Variants in LPA observed in about 807,000 individuals in gnomAD.
LPA encodes lipoprotein(a), also known as apolipoprotein(a).
In LPA, 199 loss-of-function variants were observed where a neutral mutation model predicts 197.9. The observed-to-expected ratio is 1.01, with a 90% CI of 0.90 to 1.13. The LOEUF is 1.13. Among genes scored for constraint, LPA ranks in the 50% most tolerant of loss-of-function variants. The pLI is 0.00. For missense variants in LPA, 1,853 were observed against 1,785.8 expected (o/e 1.04, Z -0.68); for synonymous variants, 715 against 639.5 (o/e 1.12, Z -1.78).
chr6:160,589,400 A>G (rs1778980058), intron 24 of LPA, among the ~76,000 whole-genome samples, 153 bp downstream of exon 24: 1 of 152,212 alleles, frequency 6.6e-6, no homozygotes, highest in African/African-American at 2.4e-5. Context: ...CTCCTCTCAG[A>G]CCCTGTGCCC....
chr6:160,595,927 T>C (rs1779124267), intron 20 of LPA, among the ~76,000 whole-genome samples: 2 of 152,220 alleles, frequency 1.3e-5, no homozygotes, highest in Non-Finnish European at 2.9e-5. Context: ...CTGTGAAATA[T>C]GTTCCTCCAG....
In LPA at chr6:160,559,289, T is replaced by C. The variant is rs562970580; in HGVS notation, c.4632-1718A>G. On this transcript the variant is annotated intron_variant, in intron 28 of 38. Coordinates refer to ENST00000316300, the MANE Select transcript of LPA (RefSeq NM_005577.4). ...AAATGATCTCATGTAAATGAACTCA[T>C]ACAGAATATACATGGCTTCTTTCCT... is the stretch of plus-strand genomic sequence containing the variant. Among the ~76,000 whole-genome samples, 252 of 152,338 alleles carry C rather than the reference T, an allele frequency of 1.7e-3. 1 individual carries two copies. Among genetic ancestry groups the C allele is most frequent in the African/African-American group, 5.7e-3 (236 of 41,586 alleles).
chr6:160,562,167 C>T (rs1475961735), intron 28 of LPA, among the ~76,000 whole-genome samples: 1 of 152,172 alleles, frequency 6.6e-6, no homozygotes, highest in African/African-American at 2.4e-5. Context: ...GGAATGCTTC[C>T]AGCTTCTGCT....
intron 32 of LPA, among the ~76,000 whole-genome samples, 174 bp downstream of exon 32, chr6:160,547,615 G>T (rs921092423): frequency 2.0e-5 from 3 of 152,144 alleles, no homozygotes; most frequent in Non-Finnish European, 4.4e-5. Context: ...AAGAGAAGAG[G>T]CCTGAGAACC....
At chr6:160,577,038 GA>G in intron 28 of LPA, 97 bp downstream of exon 28, 1 of 1,478,312 alleles carries the variant, frequency 6.8e-7, no homozygotes, top group Non-Finnish European at 9.4e-7. Flanking sequence ...GTGAGTCTAA[GA>G]GAAATTTGTC....
chr6:160,549,801 G>A (rs1389634177), intron 30 of LPA, among the ~76,000 whole-genome samples: 6 of 152,162 alleles, frequency 3.9e-5, no homozygotes, highest in Admixed American at 6.5e-5. Flanking sequence ...CAGCCACTGC[G>A]GGACTGACAG....
chr6:160,646,815 C>T (rs1297529346), intron 2 of LPA, among the ~76,000 whole-genome samples: 1 of 149,542 alleles, frequency 6.7e-6, no homozygotes, highest in African/African-American at 2.5e-5. Flanking sequence ...GTATCTCTCT[C>T]GGTAGGACTT....
chr6:160,653,974 AATATATAAT>A (rs1258397253), intron 1 of LPA, among the ~76,000 whole-genome samples: 358 of 16,356 alleles, frequency 0.022, 35 homozygotes, highest in African/African-American at 0.068. Context: ...TATTATATAT[AATATATAAT>A]ATATAATATA....
At chr6:160,597,243 G>C (rs987813761) in intron 20 of LPA, among the ~76,000 whole-genome samples, 4 of 152,174 alleles carry the variant, frequency 2.6e-5, no homozygotes, top group African/African-American at 9.7e-5. Flanking sequence ...TTGTGTTTGG[G>C]AAAGATTTAT....
intron 2 of LPA, 63 bp downstream of exon 2, chr6:160,650,275 C>T: frequency 3.2e-6 from 5 of 1,556,012 alleles, no homozygotes; most frequent in East Asian, 2.2e-5. Flanking sequence ...GCTTGACGCA[C>T]ACCTTTTCTA....
At chr6:160,634,943 G>A (rs539783384) in intron 7 of LPA, among the ~76,000 whole-genome samples, 180 bp downstream of exon 7, 22 of 150,328 alleles carry the variant, frequency 1.5e-4, no homozygotes, top group African/African-American at 5.3e-4. Context: ...CACCCAAGTT[G>A]CACCAGAAAT....
chr6:160,580,558 A>C (rs1778774360), intron 26 of LPA, among the ~76,000 whole-genome samples: 1 of 152,178 alleles, frequency 6.6e-6, no homozygotes, highest in South Asian at 2.1e-4. Flanking sequence ...TTCTAGCTCC[A>C]AATCGGTGAC....
At chr6:160,653,988 AATATATAT>A (rs1780061843) in intron 1 of LPA, among the ~76,000 whole-genome samples, 1 of 17,540 alleles carries the variant, frequency 5.7e-5, no homozygotes, top group African/African-American at 2.4e-4. Flanking sequence ...TATAATATAT[AATATATAT>A]TATATATAAT....
At position 160,653,972 on chromosome 6, in the gene LPA, A is replaced by AT. The variant is rs1562354380; in HGVS notation, c.50-3476dup. 2.4e-4 allele frequency among the ~76,000 whole-genome samples: 5 copies of AT among 20,688 alleles called. 2 individuals carry two copies. Among genetic ancestry groups the AT allele is most frequent in the East Asian group, 2.0e-3 (1 of 488 alleles). 13.6% of individuals were successfully genotyped at this position (20,688 alleles called of 152,430 possible). ...ATATTATATATAATATATATTATAT[A>AT]TAATATATAATATATAATATATATT... On this transcript the variant is annotated intron_variant, in intron 1 of 38. Transcript: ENST00000316300.
intron 28 of LPA, among the ~76,000 whole-genome samples, chr6:160,560,636 GT>G (rs978084399): frequency 1.3e-4 from 20 of 148,712 alleles, no homozygotes; most frequent in Middle Eastern, 3.5e-3. Context: ...TGATGGGGTT[GT>G]TTTTTTTTTC....
At chr6:160,580,553 G>T (rs1379726234) in intron 26 of LPA, among the ~76,000 whole-genome samples, 1 of 152,154 alleles carries the variant, frequency 6.6e-6, no homozygotes, top group African/African-American at 2.4e-5. Context: ...GCACATTCTA[G>T]CTCCAAATCG....
chr6:160,542,936 A>T (rs1778005415), intron 33 of LPA, 128 bp from the exon 34 acceptor site: 4 of 1,293,866 alleles, frequency 3.1e-6, no homozygotes, highest in Non-Finnish European at 4.4e-6. Context: ...TAAAATCATA[A>T]ACACTCTTTA....
At position 160,611,506 on chromosome 6, in the gene LPA, G is replaced by C. The variant is rs1429676098; in HGVS notation, c.2603+56C>G. Reference sequence around the variant, plus strand: ...GAACTCAGCTTGAAGCATGTCTCTTGTCACAGAAACTTCAGTTGGCCCTTT... The same window carrying C: ...GAACTCAGCTTGAAGCATGTCTCTTCTCACAGAAACTTCAGTTGGCCCTTT... On this transcript the variant is annotated intron_variant, in intron 16 of 38. Coordinates refer to ENST00000316300, the MANE Select transcript of LPA (RefSeq NM_005577.4). 23 of 1,599,908 alleles carry C rather than the reference G, an allele frequency of 1.4e-5. 1 individual carries two copies. Among genetic ancestry groups the C allele is most frequent in the South Asian group, 8.8e-5 (8 of 90,888 alleles).
At chr6:160,563,974 G>A (rs754309336) in intron 28 of LPA, among the ~76,000 whole-genome samples, 5 of 151,988 alleles carry the variant, frequency 3.3e-5, no homozygotes, top group Non-Finnish European at 7.4e-5. Flanking sequence ...CCCTGAGATG[G>A]GTCTTCTGAA....
Sources: allele counts gnomAD v4.1 joint callset (sites outside exome capture counted in the v4.1 genomes callset), GRCh38; gene constraint gnomAD v4.1.1; transcripts MANE v1.5; gene names NCBI Gene and HGNC (gene_info 2026-07-23, HGNC 2026-07-21).